STN1: variants seen among roughly 807,000 people sequenced by gnomAD.
STN1 encodes STN1 subunit of CST complex.
In STN1, 29 loss-of-function variants were observed where a neutral mutation model predicts 45.5. The ratio of observed to expected loss-of-function variants is 0.64; its 90% confidence interval spans 0.47 to 0.87. STN1 has a LOEUF of 0.87. Ranked by LOEUF, STN1 falls within the 40% of genes least tolerant of loss-of-function variation. STN1 has a pLI of 0.00. For missense variants in STN1, 376 were observed against 441.4 expected (o/e 0.85, Z 1.33); for synonymous variants, 148 against 159.0 (o/e 0.93, Z 0.52).
rs776035371 is a variant in STN1 at position 103,882,662 on chromosome 10, C to T, written c.*22G>A. ...AATGCCACCTTATCTTTGTCCTCCT[C>T]AGCTGGTCTGCGTGTCTCTGCTCAG... On this transcript the variant is annotated 3_prime_UTR_variant, in exon 10 of 10. Coordinates refer to ENST00000224950, the MANE Select transcript of STN1 (RefSeq NM_024928.5). 1.3e-6 allele frequency: 2 copies of T among 1,587,540 alleles called. No homozygotes were observed. Among genetic ancestry groups the T allele is most frequent in the Non-Finnish European group, 1.7e-6 (2 of 1,162,986 alleles).
At chr10:103,914,911 T>G (rs1167837314) in intron 2 of STN1, among the ~76,000 whole-genome samples, 1 of 152,204 alleles carries the variant, frequency 6.6e-6, no homozygotes, top group African/African-American at 2.4e-5. Flanking sequence ...GTCCCAAGTT[T>G]TGTGAGAGTC....
At chr10:103,894,201 A>G (rs1048208800) in intron 7 of STN1, among the ~76,000 whole-genome samples, 3 of 152,206 alleles carry the variant, frequency 2.0e-5, no homozygotes, top group African/African-American at 7.2e-5. Flanking sequence ...TCTTTAGTCA[A>G]TTTAACATAA....
intron 7 of STN1, among the ~76,000 whole-genome samples, chr10:103,892,929 G>A (rs934335525): frequency 6.6e-6 from 1 of 152,184 alleles, no homozygotes; most frequent in African/African-American, 2.4e-5. Context: ...TATCCCCGAG[G>A]AAGCTAGGCT....
At chr10:103,901,485 C>T (rs1843209895) in intron 4 of STN1, among the ~76,000 whole-genome samples, 1 of 152,100 alleles carries the variant, frequency 6.6e-6, no homozygotes, top group African/African-American at 2.4e-5. Flanking sequence ...TCTCAGTTTA[C>T]CTCCTACTAG....
intron 7 of STN1, among the ~76,000 whole-genome samples, chr10:103,892,845 C>G (rs901932338): frequency 1.3e-5 from 2 of 152,198 alleles, no homozygotes; most frequent in African/African-American, 4.8e-5. Flanking sequence ...AGCTCTCCCC[C>G]TCACTTTCAG....
chr10:103,911,582 T>C (rs1843291384), intron 2 of STN1, among the ~76,000 whole-genome samples: 1 of 152,182 alleles, frequency 6.6e-6, no homozygotes, highest in Non-Finnish European at 1.5e-5. Flanking sequence ...GCATCTCACT[T>C]TGTTGCCCAG....
intron 3 of STN1, among the ~76,000 whole-genome samples, chr10:103,905,446 G>A (rs774175849): frequency 5.3e-5 from 8 of 152,192 alleles, no homozygotes; most frequent in Admixed American, 2.0e-4. Flanking sequence ...GTACCCTCAT[G>A]ATGCTGGTCT....
rs528034102 is a variant in STN1, at chr10:103,884,373, A to G, written c.950-1532T>C. Among the ~76,000 whole-genome samples, 7 of 152,330 alleles carry G rather than the reference A, an allele frequency of 4.6e-5. No homozygotes were observed. The South Asian group carries it at 1.4e-3, about 32-fold the overall frequency. ...AAAGAGAGCAGAAATAGAACGTTAC[A>G]GAATATCTTGCATTGTAATTTGGAT... On this transcript the variant is annotated intron_variant, in intron 9 of 9. Transcript: ENST00000224950.
In STN1 at chr10:103,917,574, C is replaced by T; in HGVS notation, c.21G>A (p.Arg7=). 6.2e-7 allele frequency: 1 copy of T among 1,614,078 alleles called. No homozygotes were observed. Among genetic ancestry groups the T allele is most frequent in the Non-Finnish European group, 8.5e-7 (1 of 1,179,938 alleles). Residue 7 remains arginine (R), a synonymous_variant, in exon 2 of 10, where the codon CGG becomes CGA. Coordinates refer to ENST00000224950, the MANE Select transcript of STN1 (RefSeq NM_024928.5). MQPGSS[R]CEEETPSLLW... ...AGAGGGAAGGGGTCTCCTCTTCACACCGGCTGGATCCAGGCTGCATCAAGA... is the reference window on the plus strand; with the variant it reads ...AGAGGGAAGGGGTCTCCTCTTCACATCGGCTGGATCCAGGCTGCATCAAGA...
intron 8 of STN1, 68 bp downstream of exon 8, chr10:103,892,062 T>C (rs1843142924): frequency 2.4e-6 from 3 of 1,275,742 alleles, no homozygotes; most frequent in Non-Finnish European, 3.2e-6. Context: ...TAAGTGGTTA[T>C]TCATAAGTAA....
At chr10:103,884,831 T>TG (rs911933289) in intron 9 of STN1, among the ~76,000 whole-genome samples, 3 of 152,226 alleles carry the variant, frequency 2.0e-5, no homozygotes, top group African/African-American at 7.2e-5. Flanking sequence ...AGACTGCTCC[T>TG]GGGCTAACAA....
At chr10:103,899,765 T>A (rs1402864625) in intron 5 of STN1, among the ~76,000 whole-genome samples, 2 of 152,240 alleles carry the variant, frequency 1.3e-5, no homozygotes, top group Non-Finnish European at 2.9e-5. Flanking sequence ...CCTAATGGAT[T>A]GACATTCTGA....
chr10:103,915,769 C>T (rs1198115402), intron 2 of STN1, among the ~76,000 whole-genome samples: 2 of 152,154 alleles, frequency 1.3e-5, no homozygotes, highest in African/African-American at 4.8e-5. Context: ...GGTCCCCAAC[C>T]TTTTTGACAC....
chr10:103,884,841 A>G (rs1046368664), intron 9 of STN1, among the ~76,000 whole-genome samples: 2 of 152,206 alleles, frequency 1.3e-5, no homozygotes, highest in African/African-American at 4.8e-5. Context: ...TGGGCTAACA[A>G]AAATTTGCTA....
intron 7 of STN1, 106 bp from the exon 8 acceptor site, chr10:103,892,358 T>G: frequency 9.8e-7 from 1 of 1,019,814 alleles, no homozygotes; most frequent in Non-Finnish European, 1.4e-6. Context: ...AACAGGCCTT[T>G]TAACTGCTGA....
chr10:103,887,600 A>G (rs370104120), intron 9 of STN1, among the ~76,000 whole-genome samples: 4 of 152,170 alleles, frequency 2.6e-5, no homozygotes, highest in African/African-American at 9.7e-5. Context: ...AACATCTTTT[A>G]TCAGCATTCT....
intron 2 of STN1, among the ~76,000 whole-genome samples, chr10:103,916,425 A>C (rs1428455174): frequency 1.3e-5 from 2 of 152,254 alleles, no homozygotes; most frequent in African/African-American, 4.8e-5. Flanking sequence ...AACACAGACC[A>C]TTTCCAACAA....
intron 2 of STN1, among the ~76,000 whole-genome samples, chr10:103,914,358 A>ATTTTTTT (rs1564636116): frequency 7.8e-5 from 1 of 12,770 alleles, no homozygotes; most frequent in Non-Finnish European, 2.2e-4. Context: ...ATATATATAT[A>ATTTTTTT]TATATATATA....
Position 103,892,135 on chromosome 10 carries a change from A to G in STN1, c.871T>C (p.Tyr291His), listed in dbSNP as rs1019246020. The part of the protein sequence containing the change: ...FQKDDGFDNL[Y>H]YVTREDKDLH... ...TTAAGTTGCAAGTGTCTTACATAGT[A>G]TAGGTTATCAAAACCATCATCTTTC... Residue 291 changes from tyrosine (Y) to histidine (H), a missense_variant, in exon 8 of 10, where the codon TAC (tyrosine) becomes CAC (histidine). By Grantham distance (83) the Tyr-to-His change is moderately conservative. Coordinates refer to ENST00000224950, the MANE Select transcript of STN1 (RefSeq NM_024928.5). The G allele has an allele frequency of 1.2e-6, 2 of 1,608,528 alleles. No homozygotes were observed. Among genetic ancestry groups the G allele is most frequent in the Non-Finnish European group, 1.7e-6 (2 of 1,178,490 alleles).
Sources: gnomAD v4.1 joint callset for allele counts (sites outside exome capture counted in the v4.1 genomes callset) on GRCh38, gnomAD v4.1.1 for gene constraint, MANE v1.5 for transcripts, NCBI Gene and HGNC (gene_info 2026-07-23, HGNC 2026-07-21) for gene names.